Variants in LAMB1 observed in about 807,000 individuals in gnomAD.
LAMB1 encodes laminin subunit beta 1.
A neutral mutation model predicts 222.3 loss-of-function variants in LAMB1; 121 were observed. That is an observed-to-expected ratio of 0.54 (90% CI 0.47 to 0.63). The LOEUF (loss-of-function observed/expected upper bound fraction) is 0.63. Ranked by LOEUF, LAMB1 falls within the 30% of genes least tolerant of loss-of-function variation. The pLI is 0.00. For missense variants in LAMB1, 2,172 were observed against 2,240.8 expected (o/e 0.97, Z 0.62); for synonymous variants, 794 against 807.2 (o/e 0.98, Z 0.28).
At chr7:107,954,092 G>A (rs185691259) in intron 21 of LAMB1, among the ~76,000 whole-genome samples, 86 of 152,248 alleles carry the variant, frequency 5.6e-4, no homozygotes, top group Non-Finnish European at 1.0e-3. Context: ...GCACATGGGG[G>A]TGGAGCATGT....
At chr7:107,931,670 T>A in intron 28 of LAMB1, 170 bp from the exon 29 acceptor site, 1 of 642,608 alleles carries the variant, frequency 1.6e-6, no homozygotes, top group Non-Finnish European at 2.7e-6. Context: ...AGACTGCAAG[T>A]ATTCAGTATA....
chr7:107,939,839 C>T (rs764505178), intron 25 of LAMB1, 150 bp downstream of exon 25: 17 of 923,328 alleles, frequency 1.8e-5, no homozygotes, highest in Non-Finnish European at 2.8e-5. Context: ...CCAGTCAAGA[C>T]TGCTGGAAAA....
chr7:107,950,350 G>A (rs1172612286), intron 24 of LAMB1, among the ~76,000 whole-genome samples: 1 of 152,010 alleles, frequency 6.6e-6, no homozygotes, highest in African/African-American at 2.4e-5. Context: ...ATTAAAAACA[G>A]GGAAGAAAAT....
rs774381112 is a variant in LAMB1 at position 108,001,541 on chromosome 7, C to G, written c.213+17G>C. On this transcript the variant is annotated intron_variant, in intron 3 of 33. Transcript: ENST00000222399. Reference sequence around the variant, plus strand: ...GGAGGCGCTAGCAGAGCCTCGAACCCCGCTCTCAGCCCTCACCTGCAAGTG... The same window carrying G: ...GGAGGCGCTAGCAGAGCCTCGAACCGCGCTCTCAGCCCTCACCTGCAAGTG... 1.9e-6 allele frequency: 3 copies of G among 1,577,678 alleles called. No homozygotes were observed. In the South Asian group the frequency reaches 3.4e-5, roughly 18 times the overall value.
At chr7:107,929,338 T>C (rs930534521) in intron 30 of LAMB1, 74 bp downstream of exon 30, 101 of 1,511,524 alleles carry the variant, frequency 6.7e-5, no homozygotes, top group Non-Finnish European at 8.5e-5. Flanking sequence ...AGAAGTTTCA[T>C]TGGTTAAAGA....
At chr7:107,935,366 T>C in intron 27 of LAMB1, 49 bp downstream of exon 27, 2 of 1,096,700 alleles carry the variant, frequency 1.8e-6, no homozygotes, top group Non-Finnish European at 2.4e-6. Context: ...TTTTTTTTTT[T>C]TTTTTTTGCT....
intron 17 of LAMB1, 65 bp downstream of exon 17, chr7:107,961,139 CCT>C: frequency 6.3e-7 from 1 of 1,598,858 alleles, no homozygotes; most frequent in Non-Finnish European, 8.5e-7. Context: ...AACAAAACAC[CCT>C]GAGAGCAGCT....
intron 2 of LAMB1, chr7:108,002,205 G>A (rs777226671): frequency 1.2e-5 from 16 of 1,364,398 alleles, no homozygotes; most frequent in African/African-American, 2.9e-5. Context: ...TGTGAGCTTG[G>A]GAAGCGAGAG....
chr7:107,970,511 G>GT (rs1423768220), intron 13 of LAMB1, among the ~76,000 whole-genome samples: 4 of 146,508 alleles, frequency 2.7e-5, no homozygotes, highest in Non-Finnish European at 6.0e-5. Flanking sequence ...AAAAAGGGGG[G>GT]GGTGGGCTTC....
chr7:107,956,817 G>T (rs1261883551), intron 20 of LAMB1, among the ~76,000 whole-genome samples: 1 of 152,084 alleles, frequency 6.6e-6, no homozygotes, highest in East Asian at 1.9e-4. Flanking sequence ...GGCAGGGATG[G>T]GTCATGTTAC....
intron 7 of LAMB1, among the ~76,000 whole-genome samples, chr7:107,982,195 T>C (rs2033985568): frequency 6.6e-6 from 1 of 152,128 alleles, no homozygotes; most frequent in Admixed American, 6.5e-5. Flanking sequence ...CTCCACGGGG[T>C]TTTCGTGAGT....
chr7:107,965,297 C>T (rs889437825), intron 13 of LAMB1, among the ~76,000 whole-genome samples: 3 of 152,174 alleles, frequency 2.0e-5, no homozygotes, highest in African/African-American at 4.8e-5. Flanking sequence ...ATAAGAAATG[C>T]GGCTGGGCAC....
chr7:107,931,249 T>C (rs1228321671), intron 29 of LAMB1, 107 bp downstream of exon 29: 4 of 957,070 alleles, frequency 4.2e-6, no homozygotes, highest in Non-Finnish European at 4.7e-6. Flanking sequence ...GTTTTTCTTA[T>C]TTGGAAATGT....
intron 25 of LAMB1, among the ~76,000 whole-genome samples, chr7:107,939,266 A>G (rs899020543): frequency 2.0e-5 from 3 of 152,164 alleles, no homozygotes; most frequent in Non-Finnish European, 4.4e-5. Flanking sequence ...GAGAAAGGGT[A>G]GATAAATGAT....
At chr7:108,003,010 C>G in intron 1 of LAMB1, 39 bp from the exon 2 acceptor site, 8 of 1,525,782 alleles carry the variant, frequency 5.2e-6, no homozygotes, top group Non-Finnish European at 7.0e-6. Context: ...GGCAAATGTT[C>G]AAAGAGAGAA....
chr7:107,933,343 A>G (rs969865902), intron 27 of LAMB1, among the ~76,000 whole-genome samples: 1 of 152,242 alleles, frequency 6.6e-6, no homozygotes, highest in African/African-American at 2.4e-5. Context: ...AGTACAAAAA[A>G]GTAGTTTTTA....
In LAMB1 at chr7:107,934,116, A is replaced by G. The variant is rs149285828; in HGVS notation, c.4188+1299T>C. ...AATTTACACATTGCTCTAAGCCTTC[A>G]TTTTTCTTTTTTCTTCATCTTTTAT... On this transcript the variant is annotated intron_variant, in intron 27 of 33. Coordinates refer to ENST00000222399, the MANE Select transcript of LAMB1 (RefSeq NM_002291.3). Among the ~76,000 whole-genome samples the G allele has an allele frequency of 7.9e-3, 1,199 of 152,044 alleles. 4 individuals are homozygous for G. Among genetic ancestry groups the G allele is most frequent in the Non-Finnish European group, 0.013 (904 of 67,988 alleles).
At chr7:107,946,561 A>G (rs549391252) in intron 24 of LAMB1, among the ~76,000 whole-genome samples, 1 of 152,400 alleles carries the variant, frequency 6.6e-6, no homozygotes, top group African/African-American at 2.4e-5. Flanking sequence ...ATTAGCTACT[A>G]TCGGCAGGGG....
rs76420489 is a variant in LAMB1, at chr7:107,932,330, G to T, written c.4236C>A (p.Gly1412=). 4.3e-6 allele frequency: 7 copies of T among 1,614,048 alleles called. No homozygotes were observed. In the South Asian group the frequency reaches 7.7e-5, roughly 18 times the overall value. ...PGASCSETEC[G]GPNCRTDEGE... is the part of the protein sequence containing the mutation. Reference sequence around the variant, plus strand: ...CTTCGTCAGTTCTGCAGTTTGGCCCGCCACATTCAGTCTCGGAACAGGAGG... The same window carrying T: ...CTTCGTCAGTTCTGCAGTTTGGCCCTCCACATTCAGTCTCGGAACAGGAGG... Residue 1412 remains glycine, a synonymous_variant, in exon 28 of 34, where the codon GGC becomes GGA. Transcript: ENST00000222399.
Sources: gnomAD v4.1 joint callset for allele counts (sites outside exome capture counted in the v4.1 genomes callset) on GRCh38, gnomAD v4.1.1 for gene constraint, MANE v1.5 for transcripts, NCBI Gene and HGNC (gene_info 2026-07-23, HGNC 2026-07-21) for gene names.